The following KAZN variants were observed in gnomAD, a reference collection of about 807,000 sequenced individuals.
The protein encoded by KAZN is kazrin, periplakin interacting protein, also known as kazrin.
A neutral mutation model predicts 87.4 loss-of-function variants in KAZN; 40 were observed. The observed-to-expected ratio is 0.46, with a 90% confidence interval of 0.36 to 0.60. The LOEUF (loss-of-function observed/expected upper bound fraction) is 0.60, where lower values mean the gene tolerates loss of function less well. Among genes scored for constraint, KAZN ranks in the 20% least tolerant of loss-of-function variants. The probability of loss-of-function intolerance (pLI) is 0.00; values close to 1 mark genes in which losing one functional copy is unlikely to be tolerated. For missense variants in KAZN, 898 were observed against 1,073.9 expected, an observed-to-expected ratio of 0.84 and a Z score of 2.29; for synonymous variants, 466 against 458.3, an observed-to-expected ratio of 1.02 and a Z score of -0.22.
At chr1:14,255,689 A>G (rs1650454045) in intron 2 of KAZN, among the ~76,000 whole-genome samples, 1 of 152,220 alleles carries the variant, frequency 6.6e-6, no homozygotes, top group Admixed American at 6.5e-5. Flanking sequence ...AGTACTTACA[A>G]CCTGTCTGAC....
intron 2 of KAZN, among the ~76,000 whole-genome samples, chr1:14,263,893 T>TA (rs1397245865): frequency 6.6e-6 from 1 of 152,240 alleles, no homozygotes; most frequent in Non-Finnish European, 1.5e-5. Context: ...GCCAGGGGGA[T>TA]AGTCAGCCAG....
chr1:15,090,764 G>C (rs74059823), intron 8 of KAZN, among the ~76,000 whole-genome samples: 2 of 152,184 alleles, frequency 1.3e-5, no homozygotes, highest in Non-Finnish European at 2.9e-5. Context: ...CGGACAGCCC[G>C]TCACACTCAC....
chr1:15,110,685 G>A (rs967693632), intron 13 of KAZN, among the ~76,000 whole-genome samples: 2 of 152,240 alleles, frequency 1.3e-5, no homozygotes, highest in Non-Finnish European at 2.9e-5. Context: ...GGCTGCTGAC[G>A]TGGAGCCCAC....
intron 2 of KAZN, among the ~76,000 whole-genome samples, chr1:14,321,284 T>C (rs1656034904): frequency 6.6e-6 from 1 of 152,144 alleles, no homozygotes. Flanking sequence ...TATCTCAAAG[T>C]CAAAGCCAAC....
At chr1:14,252,143 A>G (rs1339276868) in intron 2 of KAZN, among the ~76,000 whole-genome samples, 5 of 152,084 alleles carry the variant, frequency 3.3e-5, no homozygotes, top group African/African-American at 1.2e-4. Flanking sequence ...TCCACTGTAG[A>G]ATGCTTTTAT....
intron 1 of KAZN, among the ~76,000 whole-genome samples, chr1:13,970,440 A>C (rs145699845): frequency 1.3e-4 from 20 of 152,312 alleles, no homozygotes; most frequent in Middle Eastern, 3.4e-3. Flanking sequence ...CGTGTATATG[A>C]TCACATATCT....
chr1:14,917,845 T>TCTTTCTTCCTTCCTTC (rs1657976364), intron 1 of KAZN, among the ~76,000 whole-genome samples: 1 of 113,196 alleles, frequency 8.8e-6, no homozygotes, highest in Non-Finnish European at 1.9e-5. Flanking sequence ...TGTACTTCTT[T>TCTTTCTTCCTTCCTTC]CTTTCTTCCT....
At chr1:14,708,005 G>T (rs1385704048) in intron 1 of KAZN, among the ~76,000 whole-genome samples, 2 of 92,114 alleles carry the variant, frequency 2.2e-5, no homozygotes, top group Non-Finnish European at 4.8e-5. Context: ...GTAAGAAAGT[G>T]TTCATTTTGA....
chr1:14,613,164 A>G (rs1260353617), intron 1 of KAZN, among the ~76,000 whole-genome samples: 1 of 152,192 alleles, frequency 6.6e-6, no homozygotes, highest in Non-Finnish European at 1.5e-5. Flanking sequence ...ATTCGAGGTT[A>G]TGGTCAGTAT....
At chr1:15,089,692 T>C (rs1640435963) in intron 8 of KAZN, among the ~76,000 whole-genome samples, 1 of 126,946 alleles carries the variant, frequency 7.9e-6, no homozygotes, top group Non-Finnish European at 1.6e-5. Context: ...AAGCCATAGG[T>C]GCGTCTGGAG....
intron 1 of KAZN, among the ~76,000 whole-genome samples, chr1:14,868,755 G>T (rs1224778624): frequency 3.3e-5 from 5 of 151,672 alleles, no homozygotes; most frequent in Admixed American, 6.6e-5. Context: ...GGGGTGGGGG[G>T]ATCTCTTGAG....
At chr1:14,132,474 A>G (rs6689825) in intron 1 of KAZN, among the ~76,000 whole-genome samples, 86,882 of 152,038 alleles carry the variant, frequency 0.57, 26,073 homozygotes, top group East Asian at 0.76. Flanking sequence ...AGCATGCATT[A>G]AGCTGACTGG....
intron 2 of KAZN, among the ~76,000 whole-genome samples, chr1:15,017,059 AGGCTGAGGCG>A (rs1670189072): frequency 6.6e-6 from 1 of 151,970 alleles, no homozygotes; most frequent in Non-Finnish European, 1.5e-5. Flanking sequence ...GCACTTTGGG[AGGCTGAGGCG>A]GGCGGATCAC....
intron 2 of KAZN, among the ~76,000 whole-genome samples, chr1:14,219,495 T>A (rs964213062): frequency 6.6e-6 from 1 of 152,166 alleles, no homozygotes; most frequent in Non-Finnish European, 1.5e-5. Flanking sequence ...ATTTCTCCAA[T>A]AGGTTTCATG....
Position 14,743,847 on chromosome 1 carries a change from A to G in KAZN, c.226+144624A>G, listed in dbSNP as rs144662305. On this transcript the variant is annotated intron_variant, in intron 1 of 14. Transcript: ENST00000376030. ...TGATCTCAGGTCGCTTATGGCCAAG[A>G]GATTGGAAAATGCTGATTATCCCAG... Among the ~76,000 whole-genome samples, 16 of 152,294 alleles carry G rather than the reference A, an allele frequency of 1.1e-4. No homozygotes were observed. The East Asian group carries it at 2.9e-3, about 28-fold the overall frequency.
chr1:14,624,850 T>C (rs1399150212), intron 1 of KAZN, among the ~76,000 whole-genome samples: 2 of 152,048 alleles, frequency 1.3e-5, no homozygotes, highest in African/African-American at 4.8e-5. Context: ...ATAATTTGAG[T>C]TGGGTTAGTG....
At chr1:13,923,460 C>A (rs914114182) in intron 1 of KAZN, among the ~76,000 whole-genome samples, 1 of 150,360 alleles carries the variant, frequency 6.7e-6, no homozygotes, top group Non-Finnish European at 1.5e-5. Context: ...GTAGTCCCAG[C>A]TACTGGGGAG....
chr1:14,260,046 C>T (rs914739336), intron 2 of KAZN, among the ~76,000 whole-genome samples: 1 of 152,134 alleles, frequency 6.6e-6, no homozygotes, highest in Non-Finnish European at 1.5e-5. Flanking sequence ...TCACCGTTTT[C>T]AATTTCTACA....
chr1:14,367,134 C>A (rs747950816), intron 2 of KAZN, among the ~76,000 whole-genome samples: 3 of 152,162 alleles, frequency 2.0e-5, no homozygotes, highest in Admixed American at 6.5e-5. Context: ...GAGGCTGAGG[C>A]AGGAGAACTG....
Sources: gnomAD v4.1 joint callset for allele counts (sites outside exome capture counted in the v4.1 genomes callset) on GRCh38, gnomAD v4.1.1 for gene constraint, MANE v1.5 for transcripts, NCBI Gene and HGNC (gene_info 2026-07-23, HGNC 2026-07-21) for gene names.